Variants in RIMS2 observed in about 807,000 individuals in gnomAD.
RIMS2 encodes the protein regulating synaptic membrane exocytosis protein 2.
In RIMS2, 59 loss-of-function variants were observed where a neutral mutation model predicts 174.4. The ratio of observed to expected loss-of-function variants is 0.34; its 90% CI spans 0.27 to 0.42. RIMS2 has a LOEUF of 0.42. RIMS2 is among the 10% of genes least tolerant of loss of function. The probability of loss-of-function intolerance (pLI) is 1.00; values close to 1 mark genes in which losing one functional copy is unlikely to be tolerated. For missense variants in RIMS2, 1,620 were observed against 1,666.3 expected, an observed-to-expected ratio of 0.97 and a Z score of 0.48; for synonymous variants, 606 against 572.5, an observed-to-expected ratio of 1.06 and a Z score of -0.84.
intron 1 of RIMS2, among the ~76,000 whole-genome samples, chr8:103,511,384 G>A (rs1340541057): frequency 6.6e-6 from 1 of 152,086 alleles, no homozygotes; most frequent in Non-Finnish European, 1.5e-5. Flanking sequence ...AAAAGACTCA[G>A]CATAACTTTA....
At chr8:104,038,272 G>A (rs1597535637) in intron 19 of RIMS2, among the ~76,000 whole-genome samples, 1 of 151,400 alleles carries the variant, frequency 6.6e-6, no homozygotes, top group East Asian at 1.9e-4. Context: ...ATTTTATTTT[G>A]TATGATGGAA....
In RIMS2 at chr8:103,829,324, G is replaced by A. The variant is rs2098811389; in HGVS notation, c.699-55974G>A. On this transcript the variant is annotated intron_variant, in intron 3 of 23. Transcript: ENST00000504942. ...TAAATTTGTTGAGCCACTGTGGAAA[G>A]CAGTTTGGAGATTTCTCAACCCAGC... 2.0e-5 allele frequency among the ~76,000 whole-genome samples: 3 copies of A among 152,130 alleles called. No individual in the cohort carries two copies. The South Asian group carries it at 6.2e-4, about 32-fold the overall frequency.
At chr8:103,646,844 G>C (rs146079543) in intron 1 of RIMS2, among the ~76,000 whole-genome samples, 2 of 152,100 alleles carry the variant, frequency 1.3e-5, no homozygotes, top group Non-Finnish European at 2.9e-5. Flanking sequence ...TTGCCTGACT[G>C]CCCTGGCCAG....
At position 104,078,385 on chromosome 8, in the gene RIMS2, G is replaced by A. The variant is rs142189117; in HGVS notation, c.3334+63770G>A. Among the ~76,000 whole-genome samples the A allele has an allele frequency of 6.5e-3, 997 of 152,288 alleles. 11 individuals are homozygous for A. Among genetic ancestry groups the A allele is most frequent in the African/African-American group, 0.022 (895 of 41,556 alleles). ...CAGTTTTGGAGGCTAGAACTTTAAG[G>A]TGTTGGCTAGGCTGGCTCCTTCTGA... On this transcript the variant is annotated intron_variant, in intron 19 of 23. Coordinates refer to ENST00000504942, the Ensembl canonical transcript of RIMS2.
At chr8:103,571,695 C>G (rs2092820901) in intron 1 of RIMS2, among the ~76,000 whole-genome samples, 1 of 152,120 alleles carries the variant, frequency 6.6e-6, no homozygotes, top group African/African-American at 2.4e-5. Context: ...TCACCTTACA[C>G]TAGCTTAAGG....
intron 17 of RIMS2, among the ~76,000 whole-genome samples, chr8:103,995,795 G>A (rs940105903): frequency 6.6e-6 from 1 of 151,932 alleles, no homozygotes; most frequent in Non-Finnish European, 1.5e-5. Flanking sequence ...GGGTCTGAAG[G>A]TAGGAAGTCC....
At chr8:103,826,780 C>A (rs895151322) in intron 3 of RIMS2, among the ~76,000 whole-genome samples, 1 of 151,246 alleles carries the variant, frequency 6.6e-6, no homozygotes, top group Non-Finnish European at 1.5e-5. Flanking sequence ...CTCCTGGACT[C>A]AAGTGATCCT....
intron 19 of RIMS2, among the ~76,000 whole-genome samples, chr8:104,167,482 A>G (rs1441505864): frequency 2.6e-5 from 4 of 151,772 alleles, no homozygotes; most frequent in Admixed American, 2.6e-4. Context: ...TCCTTTTTTG[A>G]TAATTGTCTA....
chr8:103,801,239 C>T (rs1038479926), intron 3 of RIMS2, among the ~76,000 whole-genome samples: 17 of 152,194 alleles, frequency 1.1e-4, no homozygotes, highest in East Asian at 3.9e-4. Context: ...CTCCCGCCTC[C>T]GCCTCCCAAA....
At chr8:103,818,228 A>G (rs557923500) in intron 3 of RIMS2, among the ~76,000 whole-genome samples, 2 of 152,294 alleles carry the variant, frequency 1.3e-5, no homozygotes, top group East Asian at 1.9e-4. Flanking sequence ...GGAAAGGGAT[A>G]AAAGGGCAAA....
chr8:103,956,986 C>G (rs541962105), intron 14 of RIMS2, among the ~76,000 whole-genome samples: 12 of 152,102 alleles, frequency 7.9e-5, no homozygotes, highest in African/African-American at 2.7e-4. Context: ...ATGTGGCCAA[C>G]AAACATATAA....
intron 1 of RIMS2, among the ~76,000 whole-genome samples, chr8:103,587,468 G>GAAAGAAAAGAAAGAAA (rs35539559): frequency 3.1e-5 from 3 of 96,344 alleles, no homozygotes; most frequent in African/African-American, 4.6e-5. Flanking sequence ...AAGAAAGAAA[G>GAAAGAAAAGAAAGAAA]AAACTATGCA....
rs528962303 is a variant in RIMS2 at position 103,583,064 on chromosome 8, C to T, written c.176+82002C>T. ...CACAGGGGTGATTGTGTCACTCCAC[C>T]CTCAGCTTTAGGTGGCTCAGAACAC... On this transcript the variant is annotated intron_variant, in intron 1 of 23. Transcript: ENST00000504942. 1.2e-4 allele frequency among the ~76,000 whole-genome samples: 18 copies of T among 152,278 alleles called. 1 individual carries two copies. In the East Asian group the frequency reaches 3.5e-3, roughly 30 times the overall value.
chr8:103,615,423 G>A (rs777977716), intron 1 of RIMS2, among the ~76,000 whole-genome samples: 1 of 152,088 alleles, frequency 6.6e-6, no homozygotes, highest in Non-Finnish European at 1.5e-5. Context: ...ACATCAAAAA[G>A]TTAGAAAGAT....
intron 19 of RIMS2, among the ~76,000 whole-genome samples, chr8:104,216,730 G>T (rs915786318): frequency 2.0e-5 from 3 of 152,170 alleles, no homozygotes; most frequent in Non-Finnish European, 4.4e-5. Flanking sequence ...TAGTAAGTGG[G>T]ATGTAAGTGT....
chr8:104,013,639 C>G lies in RIMS2; in HGVS notation c.3224+18C>G, dbSNP rs2095824538. 6.2e-7 allele frequency: 1 copy of G among 1,607,408 alleles called. No individual in the cohort carries two copies. The highest frequency in any genetic ancestry group is 8.5e-7 in the Non-Finnish European group (1 of 1,174,692). ...TTATCGAGGTGAAAGATAAATCAATCAGACTAATTTCCCCTTTGCCCCACC... is the reference window on the plus strand; with the variant it reads ...TTATCGAGGTGAAAGATAAATCAATGAGACTAATTTCCCCTTTGCCCCACC... On this transcript the variant is annotated intron_variant, in intron 18 of 23. Coordinates refer to ENST00000504942, the Ensembl canonical transcript of RIMS2.
chr8:103,609,143 A>C (rs1230701894), intron 1 of RIMS2, among the ~76,000 whole-genome samples: 1 of 152,118 alleles, frequency 6.6e-6, no homozygotes, highest in Non-Finnish European at 1.5e-5. Flanking sequence ...TGTTGGCCAC[A>C]TGTATGTCTT....
chr8:103,517,439 G>C (rs1829517849), intron 1 of RIMS2, among the ~76,000 whole-genome samples: 1 of 152,024 alleles, frequency 6.6e-6, no homozygotes, highest in African/African-American at 2.4e-5. Context: ...AAGCTAGTTG[G>C]TGAGAGTCAG....
At chr8:104,210,889 C>T (rs2099102270) in intron 19 of RIMS2, among the ~76,000 whole-genome samples, 1 of 152,216 alleles carries the variant, frequency 6.6e-6, no homozygotes, top group Non-Finnish European at 1.5e-5. Flanking sequence ...GTATCTCTGA[C>T]ATAGACATTC....
Sources: allele counts gnomAD v4.1 joint callset (sites outside exome capture counted in the v4.1 genomes callset), GRCh38; gene constraint gnomAD v4.1.1; transcripts MANE v1.5; gene names NCBI Gene and HGNC (gene_info 2026-07-23, HGNC 2026-07-21).